Variants in GFRA1 observed in about 807,000 individuals in gnomAD.
GFRA1 encodes the protein GDNF family receptor alpha-1.
A neutral mutation model predicts 51.6 loss-of-function variants in GFRA1; 16 were observed. That is an observed-to-expected ratio of 0.31 (90% CI 0.21 to 0.47). The LOEUF (loss-of-function observed/expected upper bound fraction) is 0.47. Ranked by LOEUF, GFRA1 falls within the 20% of genes least tolerant of loss-of-function variation. The pLI is 1.00. For missense variants in GFRA1, 530 were observed against 594.3 expected (o/e 0.89, Z 1.13); for synonymous variants, 270 against 241.3 (o/e 1.12, Z -1.10).
chr10:116,217,157 A>G (rs567079078), intron 4 of GFRA1, among the ~76,000 whole-genome samples: 2 of 152,172 alleles, frequency 1.3e-5, no homozygotes, highest in African/African-American at 4.8e-5. Flanking sequence ...TGGGCTCTCC[A>G]AAGGTGACAG....
At chr10:116,143,900 C>T (rs1425576231) in intron 5 of GFRA1, among the ~76,000 whole-genome samples, 2 of 152,194 alleles carry the variant, frequency 1.3e-5, no homozygotes, top group Admixed American at 6.5e-5. Flanking sequence ...GTGTTGACGG[C>T]TTTGCTAAAA....
chr10:116,065,668 A>AAGAGT, intron 9 of GFRA1, 42 bp from the exon 10 acceptor site: 1 of 1,502,450 alleles, frequency 6.7e-7, no homozygotes, highest in Non-Finnish European at 9.3e-7. Context: ...CATAATACAG[A>AAGAGT]AGAGTAATTA....
In GFRA1 at chr10:116,063,041, A is replaced by G. The variant is rs559949084; in HGVS notation, c.*1357T>C. The G allele has an allele frequency of 4.5e-4, 68 of 152,362 alleles. No homozygotes were observed. Among genetic ancestry groups the G allele is most frequent in the African/African-American group, 1.4e-3 (60 of 41,578 alleles). The allele number at this position is 152,362 out of a possible 1,614,324, so 9.4% of individuals were successfully genotyped here. A position where few individuals can be genotyped will look rare whatever the true frequency, so the allele number is the denominator to read the frequency against. On this transcript the variant is annotated 3_prime_UTR_variant, in exon 11 of 11. Transcript: ENST00000355422. ...ACCTTCAGACCAAACTGCTCCAAACAGTGGCCAAGACGTTGCAGTCAGGAG... is the reference window on the plus strand; with the variant it reads ...ACCTTCAGACCAAACTGCTCCAAACGGTGGCCAAGACGTTGCAGTCAGGAG...
At chr10:116,247,079 A>G (rs374071331) in intron 4 of GFRA1, among the ~76,000 whole-genome samples, 4 of 152,188 alleles carry the variant, frequency 2.6e-5, no homozygotes, top group African/African-American at 9.6e-5. Flanking sequence ...TGTGTCCAAA[A>G]TGGAACTCTA....
intron 5 of GFRA1, among the ~76,000 whole-genome samples, chr10:116,127,593 T>C (rs1037173302): frequency 5.9e-5 from 9 of 152,220 alleles, no homozygotes; most frequent in Non-Finnish European, 1.3e-4. Context: ...GCACACCTGG[T>C]ACTGTTTCTC....
intron 4 of GFRA1, among the ~76,000 whole-genome samples, chr10:116,240,920 C>T (rs959659207): frequency 2.0e-5 from 3 of 152,118 alleles, no homozygotes; most frequent in Non-Finnish European, 4.4e-5. Context: ...TTATGATCAT[C>T]CCATTTTACA....
At chr10:116,200,912 T>C (rs1964281735) in intron 5 of GFRA1, among the ~76,000 whole-genome samples, 1 of 152,228 alleles carries the variant, frequency 6.6e-6, no homozygotes, top group Non-Finnish European at 1.5e-5. Flanking sequence ...GGAACGCTCA[T>C]TGACATGCCT....
At chr10:116,265,189 G>A (rs1354890087) in intron 4 of GFRA1, among the ~76,000 whole-genome samples, 4 of 152,132 alleles carry the variant, frequency 2.6e-5, no homozygotes, top group South Asian at 2.1e-4. Context: ...AAGGCTTCCC[G>A]GAAAGGTCAA....
intron 4 of GFRA1, among the ~76,000 whole-genome samples, chr10:116,255,139 C>G (rs902310575): frequency 6.6e-6 from 1 of 152,142 alleles, no homozygotes; most frequent in Admixed American, 6.5e-5. Context: ...TGGGCTTCGA[C>G]TTCTTTATAT....
chr10:116,167,837 A>G (rs924459453), intron 5 of GFRA1, among the ~76,000 whole-genome samples: 1 of 152,216 alleles, frequency 6.6e-6, no homozygotes, highest in Non-Finnish European at 1.5e-5. Flanking sequence ...AAGCACTGCT[A>G]TGAAATACTC....
chr10:116,131,245 A>G (rs1320934643), intron 5 of GFRA1, among the ~76,000 whole-genome samples: 1 of 152,240 alleles, frequency 6.6e-6, no homozygotes, highest in African/African-American at 2.4e-5. Context: ...AATGGTTAAA[A>G]TTTGACATCA....
At chr10:116,082,270 A>G (rs780013071) in intron 9 of GFRA1, among the ~76,000 whole-genome samples, 8 of 152,148 alleles carry the variant, frequency 5.3e-5, no homozygotes, top group Non-Finnish European at 8.8e-5. Flanking sequence ...TGAAGCTCCC[A>G]GGAGATGTGC....
intron 4 of GFRA1, among the ~76,000 whole-genome samples, chr10:116,260,098 G>C (rs1267904511): frequency 6.6e-6 from 1 of 152,198 alleles, no homozygotes; most frequent in Non-Finnish European, 1.5e-5. Flanking sequence ...ACCAAAAATA[G>C]GTCACTTGAC....
chr10:116,220,029 T>G (rs1565659575), intron 4 of GFRA1, among the ~76,000 whole-genome samples: 1 of 152,190 alleles, frequency 6.6e-6, no homozygotes, highest in Non-Finnish European at 1.5e-5. Context: ...AGTTTAAAAT[T>G]ACACACATTG....
chr10:116,148,102 A>ATGCGTGTGTGTG (rs1958908998), intron 5 of GFRA1, among the ~76,000 whole-genome samples: 1 of 127,104 alleles, frequency 7.9e-6, no homozygotes, highest in Admixed American at 8.2e-5. Context: ...GCGTGTGTGC[A>ATGCGTGTGTGTG]TGCATGGGTG....
intron 5 of GFRA1, among the ~76,000 whole-genome samples, chr10:116,150,231 T>C (rs985151869): frequency 6.6e-6 from 1 of 152,174 alleles, no homozygotes; most frequent in African/African-American, 2.4e-5. Flanking sequence ...GCCATCCCAA[T>C]AGTGGTCCTT....
chr10:116,253,480 T>C (rs1468168619), intron 4 of GFRA1, among the ~76,000 whole-genome samples: 3 of 152,250 alleles, frequency 2.0e-5, no homozygotes, highest in Admixed American at 6.5e-5. Context: ...TTGGGGTGCA[T>C]GCCTGTAGTC....
rs201660977 is a variant in GFRA1, at chr10:116,077,123, ATCT to A, written c.1198-11500_1198-11498del. Among the ~76,000 whole-genome samples the A allele has an allele frequency of 7.0e-3, 1,071 of 152,292 alleles. 10 individuals are homozygous for A. Among genetic ancestry groups the A allele is most frequent in the African/African-American group, 0.024 (1,004 of 41,568 alleles). Reference sequence around the variant, plus strand: ...TCAAGAGGCCATCTGTAAAATGAAAATCTTCTCTGGAGAGAACCAATTTATCGC... The same window carrying A: ...TCAAGAGGCCATCTGTAAAATGAAAATCTCTGGAGAGAACCAATTTATCGC... On this transcript the variant is annotated intron_variant, in intron 9 of 10. Coordinates refer to ENST00000355422, the MANE Select transcript of GFRA1 (RefSeq NM_005264.8).
At chr10:116,145,748 A>G (rs539139765) in intron 5 of GFRA1, among the ~76,000 whole-genome samples, 3 of 152,334 alleles carry the variant, frequency 2.0e-5, no homozygotes, top group African/African-American at 4.8e-5. Flanking sequence ...TAGTATGTAC[A>G]AGATTTTTAT....
Sources: allele counts gnomAD v4.1 joint callset (sites outside exome capture counted in the v4.1 genomes callset), GRCh38; gene constraint gnomAD v4.1.1; transcripts MANE v1.5; gene names NCBI Gene and HGNC (gene_info 2026-07-23, HGNC 2026-07-21).